The following CFAP58 variants were observed in gnomAD, a reference collection of about 807,000 sequenced individuals.
CFAP58 encodes the protein cilia- and flagella-associated protein 58.
A neutral mutation model predicts 119.5 loss-of-function variants in CFAP58; 88 were observed. That is an observed-to-expected ratio of 0.74 (90% CI 0.62 to 0.88). The LOEUF is 0.88. CFAP58 is among the 40% of genes least tolerant of loss of function. The pLI is 0.00. For synonymous variants in CFAP58, 365 were observed against 366.3 expected, an observed-to-expected ratio of 1.00 and a Z score of 0.04; for missense variants, 990 against 1,021.2, an observed-to-expected ratio of 0.97 and a Z score of 0.42.
At chr10:104,391,201 AAG>A (rs1460628893) in intron 9 of CFAP58, among the ~76,000 whole-genome samples, 1 of 152,186 alleles carries the variant, frequency 6.6e-6, no homozygotes, top group East Asian at 1.9e-4. Context: ...GCAGAAGTCT[AAG>A]AGGTCCTTTT....
intron 7 of CFAP58, among the ~76,000 whole-genome samples, chr10:104,371,963 G>A (rs954892057): frequency 6.6e-6 from 1 of 152,084 alleles, no homozygotes; most frequent in African/African-American, 2.4e-5. Context: ...ATACGTAAAA[G>A]CACAAAAGCA....
At chr10:104,452,982 A>G (rs1356955171) in intron 17 of CFAP58, among the ~76,000 whole-genome samples, 1 of 152,236 alleles carries the variant, frequency 6.6e-6, no homozygotes, top group African/African-American at 2.4e-5. Flanking sequence ...AAAAGTGCTG[A>G]GATGGTATAG....
chr10:104,390,313 A>C (rs1267397855), intron 9 of CFAP58, among the ~76,000 whole-genome samples: 1 of 152,214 alleles, frequency 6.6e-6, no homozygotes, highest in Non-Finnish European at 1.5e-5. Flanking sequence ...AATGAATTAG[A>C]GTGATGATTT....
At chr10:104,402,138 C>T (rs1370012446) in intron 13 of CFAP58, among the ~76,000 whole-genome samples, 1 of 152,146 alleles carries the variant, frequency 6.6e-6, no homozygotes, top group Non-Finnish European at 1.5e-5. Context: ...GTCTGGCTAC[C>T]TACAAGCTGT....
chr10:104,388,339 T>C (rs900615104), intron 9 of CFAP58, among the ~76,000 whole-genome samples: 1 of 152,244 alleles, frequency 6.6e-6, no homozygotes, highest in Non-Finnish European at 1.5e-5. Context: ...TAAGTACTTA[T>C]ATGCTGGCGT....
chr10:104,368,452 C>A lies in CFAP58; in HGVS notation c.822C>A (p.Leu274=). Residue 274 remains leucine (L), a synonymous_variant, in exon 6 of 18, where the codon CTC becomes CTA. Coordinates refer to ENST00000369704, the MANE Select transcript of CFAP58 (RefSeq NM_001008723.2). Reference sequence around the variant, plus strand: ...TGAATGAGAGAGCTGCAAAGGAACTCGAGCAATTTCAGATGAGAAATGCTA... The same window carrying A: ...TGAATGAGAGAGCTGCAAAGGAACTAGAGCAATTTCAGATGAGAAATGCTA... ...KILNERAAKE[L]EQFQMRNAKL... 6.2e-7 allele frequency: 1 copy of A among 1,613,846 alleles called. No homozygotes were observed. Among genetic ancestry groups the A allele is most frequent in the Non-Finnish European group, 8.5e-7 (1 of 1,179,854 alleles).
At chr10:104,376,171 T>C (rs2011658354) in intron 7 of CFAP58, among the ~76,000 whole-genome samples, 1 of 152,168 alleles carries the variant, frequency 6.6e-6, no homozygotes, top group Non-Finnish European at 1.5e-5. Flanking sequence ...TTTTATTCCT[T>C]GTTATGCCAG....
intron 15 of CFAP58, among the ~76,000 whole-genome samples, chr10:104,427,197 T>C (rs1253319755): frequency 6.6e-6 from 1 of 152,228 alleles, no homozygotes; most frequent in East Asian, 1.9e-4. Context: ...CATTAGGAAC[T>C]TGGCTGGGTT....
chr10:104,384,120 G>A (rs1166132845), intron 9 of CFAP58, among the ~76,000 whole-genome samples: 1 of 152,152 alleles, frequency 6.6e-6, no homozygotes, highest in Non-Finnish European at 1.5e-5. Flanking sequence ...AAAATCATGT[G>A]TTTGCAAATT....
chr10:104,368,539 A>G lies in CFAP58; in HGVS notation c.909A>G (p.Gln303=). The stretch of plus-strand genomic sequence containing the variant: ...GTGAGCAGCTATCCCAGGAAAACCA[A>G]CAGAAGGCGTTGGAGCTCAAAGTAA... ...LVCEQLSQEN[Q]QKALELKAKE... The change falls in exon 6 of 18, where the codon CAA becomes CAG. Residue 303 remains glutamine (Q), a synonymous_variant. Transcript: ENST00000369704. The G allele has an allele frequency of 1.2e-6, 2 of 1,613,940 alleles. No individual in the cohort carries two copies. Among genetic ancestry groups the G allele is most frequent in the Non-Finnish European group, 1.7e-6 (2 of 1,179,870 alleles).
chr10:104,357,924 C>T (rs1486965597), intron 1 of CFAP58, among the ~76,000 whole-genome samples: 2 of 70,446 alleles, frequency 2.8e-5, no homozygotes, highest in African/African-American at 1.8e-4. Context: ...CATATATGTA[C>T]ACATATACAC....
chr10:104,389,664 C>T (rs1242332179), intron 9 of CFAP58, among the ~76,000 whole-genome samples: 3 of 152,148 alleles, frequency 2.0e-5, no homozygotes, highest in Non-Finnish European at 4.4e-5. Flanking sequence ...TACAAGTGAA[C>T]TTGAGGGTAG....
intron 15 of CFAP58, among the ~76,000 whole-genome samples, chr10:104,415,977 G>A (rs1056957474): frequency 3.3e-5 from 5 of 152,188 alleles, no homozygotes; most frequent in Non-Finnish European, 4.4e-5. Flanking sequence ...AGGCAGCAGC[G>A]TATGGTGGTG....
chr10:104,454,469 C>A lies in CFAP58; in HGVS notation c.2558C>A (p.Pro853Gln). ...GATAACACCTTCTTAATGGTCAAAC[C>A]AAATGGTCCTGGTTTTACTGGGGGC... Reference protein sequence around the residue: ...PMDNTFLMVKPNGPGFTGGGF... With the variant: ...PMDNTFLMVKQNGPGFTGGGF... The change falls in exon 18 of 18, where the codon CCA (proline) becomes CAA (glutamine). Residue 853 changes from proline to glutamine, a missense_variant. Pro to Gln is a moderately conservative substitution (Grantham distance 76). Transcript: ENST00000369704. 6.2e-7 allele frequency: 1 copy of A among 1,613,832 alleles called. No individual in the cohort carries two copies. Among genetic ancestry groups the A allele is most frequent in the South Asian group, 1.1e-5 (1 of 91,054 alleles).
At chr10:104,346,714 C>T in the CFAP58 span, among the ~76,000 whole-genome samples, 8 of 142,424 alleles carry the variant, frequency 5.6e-5, no homozygotes, top group Non-Finnish European at 9.0e-5. Flanking sequence ...TGGCTCACTG[C>T]AACCTCCGCC....
At chr10:104,445,674 G>A (rs2013103319) in intron 15 of CFAP58, among the ~76,000 whole-genome samples, 1 of 152,214 alleles carries the variant, frequency 6.6e-6, no homozygotes, top group Admixed American at 6.5e-5. Flanking sequence ...AGCCCCAGGG[G>A]AAGTTTTGCA....
At chr10:104,341,549 C>G in the CFAP58 span, among the ~76,000 whole-genome samples, 1 of 151,406 alleles carries the variant, frequency 6.6e-6, no homozygotes, top group Admixed American at 6.6e-5. Flanking sequence ...TATAAAAAAC[C>G]TCAATGATTG....
At chr10:104,350,895 A>G (rs2014451940), upstream of CFAP58, among the ~76,000 whole-genome samples, 4 of 152,328 alleles carry the variant, frequency 2.6e-5, no homozygotes, top group South Asian at 8.3e-4. Flanking sequence ...CAGGGCACCT[A>G]CTTATGAAAG....
chr10:104,408,281 T>C (rs2012397982), intron 15 of CFAP58, among the ~76,000 whole-genome samples: 1 of 152,240 alleles, frequency 6.6e-6, no homozygotes, highest in Admixed American at 6.5e-5. Context: ...TTCGTGACTT[T>C]AAGAGAATTA....
Sources: allele counts gnomAD v4.1 joint callset (sites outside exome capture counted in the v4.1 genomes callset), GRCh38; gene constraint gnomAD v4.1.1; transcripts MANE v1.5; gene names NCBI Gene and HGNC (gene_info 2026-07-23, HGNC 2026-07-21).